The following FAM151A variants were observed in gnomAD, a reference collection of about 807,000 sequenced individuals.
FAM151A encodes the protein protein FAM151A.
A neutral mutation model predicts 40.4 loss-of-function variants in FAM151A; 41 were observed. The observed-to-expected ratio is 1.01, with a 90% CI of 0.79 to 1.32. The LOEUF (loss-of-function observed/expected upper bound fraction) is 1.32, where lower values mean the gene tolerates loss of function less well. Ranked by LOEUF, FAM151A falls within the 40% of genes most tolerant of loss-of-function variation. The probability of loss-of-function intolerance (pLI) is 0.00; values close to 1 mark genes in which losing one functional copy is unlikely to be tolerated. For missense variants in FAM151A, 740 were observed against 740.4 expected, an observed-to-expected ratio of 1.00 and a Z score of 0.01; for synonymous variants, 337 against 312.5, an observed-to-expected ratio of 1.08 and a Z score of -0.83.
At chr1:54,619,552 CTTGAGGCTT>C (rs562966588) in intron 2 of FAM151A, among the ~76,000 whole-genome samples, 103 of 152,282 alleles carry the variant, frequency 6.8e-4, no homozygotes, top group Non-Finnish European at 1.2e-3. Context: ...TTTCTGGCTT[CTTGAGGCTT>C]TGAAGGTAAA....
At chr1:54,614,929 A>G (rs1444351673) in intron 3 of FAM151A, 70 bp from the exon 4 acceptor site, 2 of 1,490,116 alleles carry the variant, frequency 1.3e-6, no homozygotes, top group Non-Finnish European at 1.8e-6. Flanking sequence ...CCTGGGCAGA[A>G]AGCAGAGCGG....
intron 2 of FAM151A, among the ~76,000 whole-genome samples, chr1:54,618,958 C>T (rs1644201692): frequency 1.3e-5 from 2 of 152,086 alleles, no homozygotes; most frequent in Admixed American, 1.3e-4. Flanking sequence ...GTGTAAGGGG[C>T]CATCTGGTAT....
At chr1:54,620,845 CA>C (rs767625864) in intron 1 of FAM151A, among the ~76,000 whole-genome samples, 352 of 12,104 alleles carry the variant, frequency 0.029, no homozygotes, top group African/African-American at 0.081. Context: ...GAGACTCTGT[CA>C]AAAAAAAAAA....
At chr1:54,615,938 C>T in intron 3 of FAM151A, 82 bp downstream of exon 3, 1 of 1,456,414 alleles carries the variant, frequency 6.9e-7, no homozygotes. Context: ...GCTGGACTTG[C>T]TTCCCAGTGA....
At chr1:54,619,021 T>C (rs1298107078) in intron 2 of FAM151A, among the ~76,000 whole-genome samples, 4 of 152,156 alleles carry the variant, frequency 2.6e-5, no homozygotes, top group Non-Finnish European at 4.4e-5. Flanking sequence ...GAGCCCTGCT[T>C]TGGTTGATTT....
chr1:54,612,576 C>G lies in FAM151A; in HGVS notation c.710G>C (p.Gly237Ala), dbSNP rs1644130510. The change falls in exon 5 of 8, where the codon GGA (glycine) becomes GCA (alanine). Residue 237 changes from glycine (G) to alanine (A), a missense_variant. Transcript: ENST00000302250. ...MVEKMHELVG[G>A]VPQRVTFPVR... The stretch of plus-strand genomic sequence containing the variant: ...AGGGAAGGTGACCCTCTGGGGCACT[C>G]CTCCCACCAGCTCGTGCATCTTCTC... 2 of 1,614,060 alleles carry G rather than the reference C, an allele frequency of 1.2e-6. No homozygotes were observed. The highest frequency in any genetic ancestry group is 1.7e-6 in the Non-Finnish European group (2 of 1,179,998).
At chr1:54,613,751 A>G (rs1031930430) in intron 4 of FAM151A, among the ~76,000 whole-genome samples, 4 of 152,230 alleles carry the variant, frequency 2.6e-5, no homozygotes, top group Admixed American at 2.0e-4. Context: ...AAGACAGGTC[A>G]TATTTATCTT....
At chr1:54,618,750 C>T (rs997980810) in intron 2 of FAM151A, among the ~76,000 whole-genome samples, 13 of 152,106 alleles carry the variant, frequency 8.5e-5, no homozygotes, top group African/African-American at 1.4e-4. Flanking sequence ...CAGGAGCTCG[C>T]GGTGGCTGTG....
At chr1:54,619,794 C>G in intron 2 of FAM151A, 70 bp downstream of exon 2, 1 of 1,516,444 alleles carries the variant, frequency 6.6e-7, no homozygotes, top group Non-Finnish European at 9.1e-7. Context: ...AGTGTCTGAT[C>G]CTCACTTCTC....
intron 3 of FAM151A, among the ~76,000 whole-genome samples, 167 bp downstream of exon 3, chr1:54,615,853 G>A (rs1056567254): frequency 1.3e-5 from 2 of 152,152 alleles, no homozygotes; most frequent in Admixed American, 6.5e-5. Context: ...TCCCCATCTC[G>A]CCTAGTCCTC....
intron 2 of FAM151A, among the ~76,000 whole-genome samples, chr1:54,617,487 A>C (rs934557214): frequency 1.3e-5 from 2 of 151,470 alleles, no homozygotes; most frequent in African/African-American, 4.9e-5. Flanking sequence ...AAGGCCAGAA[A>C]ACCTACCCAT....
In FAM151A at chr1:54,609,483, T is replaced by C. The variant is rs1644084878; in HGVS notation, c.1543A>G (p.Met515Val). 13 of 1,613,466 alleles carry C rather than the reference T, an allele frequency of 8.1e-6. No individual in the cohort carries two copies. The highest frequency in any genetic ancestry group is 1.0e-5 in the Non-Finnish European group (12 of 1,180,038). ...CCAGCTGTGCTGTGGCCCAGCAGCA[T>C]GGCCTGCATCTGGAAGGACACAGGT... ...WQPVSFQMQA[M>V]LLGHSTAGAI... The change falls in exon 8 of 8, where the codon ATG (methionine) becomes GTG (valine). Residue 515 changes from methionine to valine, a missense_variant. By Grantham distance (21) the Met-to-Val change is conservative (BLOSUM62 1). Coordinates refer to ENST00000302250, the MANE Select transcript of FAM151A (RefSeq NM_176782.3).
In FAM151A at chr1:54,609,886, G is replaced by A. The variant is rs1644095206; in HGVS notation, c.1140C>T (p.Asn380=). ...NTGLEGTVAE[N]PVPIVHTPSG... ...TTGGAGTATGAACAATGGGCACGGG[G>A]TTTTCAGCCACAGTTCCCTCGAGGC... is the stretch of plus-strand genomic sequence containing the variant. The change falls in exon 8 of 8, where the codon AAC becomes AAT. Residue 380 remains asparagine (N), a synonymous_variant. Transcript: ENST00000302250. The A allele has an allele frequency of 1.2e-6, 2 of 1,612,888 alleles. No individual in the cohort carries two copies. The highest frequency in any genetic ancestry group is 1.7e-5 in the Admixed American group (1 of 60,012).
chr1:54,615,646 A>G (rs1035107524), intron 3 of FAM151A, among the ~76,000 whole-genome samples: 3 of 151,512 alleles, frequency 2.0e-5, no homozygotes, highest in Admixed American at 6.6e-5. Context: ...CATTATGGTG[A>G]CGCCTGGATT....
At chr1:54,614,939 G>GGGGTGT (rs1553165710) in intron 3 of FAM151A, 80 bp from the exon 4 acceptor site, 43 of 1,210,184 alleles carry the variant, frequency 3.6e-5, no homozygotes, top group African/African-American at 1.0e-4. Flanking sequence ...AAGCAGAGCG[G>GGGGTGT]GTGTGTGTGT....
intron 2 of FAM151A, among the ~76,000 whole-genome samples, chr1:54,617,461 TAAAAA>T (rs35936174): frequency 5.2e-5 from 7 of 134,018 alleles, no homozygotes; most frequent in Non-Finnish European, 6.5e-5. Context: ...CACTTTCTGT[TAAAAA>T]AAAAAAAAAA....
At chr1:54,622,920 A>G (rs1224436855) in intron 1 of FAM151A, among the ~76,000 whole-genome samples, 7 of 151,978 alleles carry the variant, frequency 4.6e-5, no homozygotes, top group Non-Finnish European at 8.8e-5. Flanking sequence ...CACACCTGTA[A>G]TCCCAGCACT....
Position 54,609,312 on chromosome 1 carries a change from GGGGTAGCCTGTAGTAGACTC to G in FAM151A, c.1694_1713del (p.Arg565ProfsTer13), listed in dbSNP as rs758796531. On this transcript the variant is annotated frameshift_variant, in exon 8 of 8. Transcript: ENST00000302250. LOFTEE classifies it high-confidence loss of function. ...GCCAGCAAGTCCTTGTGGTAGCCCT[GGGGTAGCCTGTAGTAGACTC>G]GGGTCCTGTCCACAGCCCTAGCTGC... 115 of 1,612,642 alleles carry G rather than the reference GGGGTAGCCTGTAGTAGACTC, an allele frequency of 7.1e-5. No individual in the cohort carries two copies. The highest frequency in any genetic ancestry group is 8.3e-5 in the Non-Finnish European group (98 of 1,179,012).
In FAM151A at chr1:54,610,243, C is replaced by T; in HGVS notation, c.1084+169G>A. On this transcript the variant is annotated intron_variant, in intron 7 of 7. Coordinates refer to ENST00000302250, the MANE Select transcript of FAM151A (RefSeq NM_176782.3). The stretch of plus-strand genomic sequence containing the variant: ...AAGGCCAGGAGCCCTGTGCTCTTGA[C>T]ATCACTGTACTCCCTCTCCCTCCCC... The T allele has an allele frequency of 1.1e-5, 16 of 1,449,082 alleles. No homozygotes were observed. In the South Asian group the frequency reaches 2.3e-4, roughly 21 times the overall value. The allele number at this position is 1,449,082 out of a possible 1,614,324, so 89.8% of individuals were successfully genotyped here.
Sources: gnomAD v4.1 joint callset for allele counts (sites outside exome capture counted in the v4.1 genomes callset) on GRCh38, gnomAD v4.1.1 for gene constraint, MANE v1.5 for transcripts, NCBI Gene and HGNC (gene_info 2026-07-23, HGNC 2026-07-21) for gene names.